Variants in GLG1 observed in about 807,000 individuals in gnomAD.
GLG1 encodes the protein golgi glycoprotein 1, also known as Golgi apparatus protein 1.
A neutral mutation model predicts 160.5 loss-of-function variants in GLG1; 38 were observed. The ratio of observed to expected loss-of-function variants is 0.24; its 90% CI spans 0.18 to 0.31. The LOEUF (loss-of-function observed/expected upper bound fraction) is 0.31, where lower values mean the gene tolerates loss of function less well. Ranked by LOEUF, GLG1 falls within the 10% of genes least tolerant of loss-of-function variation. GLG1 has a pLI of 1.00. For synonymous variants in GLG1, 644 were observed against 543.4 expected, an observed-to-expected ratio of 1.19 and a Z score of -2.57; for missense variants, 1,373 against 1,505.2, an observed-to-expected ratio of 0.91 and a Z score of 1.45.
chr16:74,463,161 G>C (rs1474144587), intron 20 of GLG1, 195 bp downstream of exon 20: 3 of 573,486 alleles, frequency 5.2e-6, no homozygotes, highest in African/African-American at 3.8e-5. Context: ...TGGTTCTTGT[G>C]GCCTCCTCTC....
At chr16:74,604,938 A>G (rs1431864632) in intron 1 of GLG1, among the ~76,000 whole-genome samples, 1 of 152,130 alleles carries the variant, frequency 6.6e-6, no homozygotes, top group Non-Finnish European at 1.5e-5. Context: ...AGTCCCAGGT[A>G]CTCAGGTGGC....
intron 1 of GLG1, among the ~76,000 whole-genome samples, chr16:74,544,219 T>G (rs567481271): frequency 6.6e-6 from 1 of 152,252 alleles, no homozygotes; most frequent in Non-Finnish European, 1.5e-5. Context: ...GGTCTGGCTA[T>G]GCAGCACAAA....
At chr16:74,532,780 G>C (rs996392975) in intron 1 of GLG1, among the ~76,000 whole-genome samples, 3 of 152,078 alleles carry the variant, frequency 2.0e-5, no homozygotes, top group African/African-American at 7.2e-5. Flanking sequence ...ACCCACCTGA[G>C]CTTCCCAAAC....
intron 25 of GLG1, among the ~76,000 whole-genome samples, chr16:74,454,666 CAAAAAAAAAAAA>C (rs58759187): frequency 1.2e-3 from 47 of 38,534 alleles, no homozygotes; most frequent in Middle Eastern, 0.071. Context: ...AATCCGTCCC[CAAAAAAAAAAAA>C]AAAAAAAAAA....
intron 1 of GLG1, among the ~76,000 whole-genome samples, chr16:74,588,541 T>G (rs577075291): frequency 6.6e-6 from 1 of 152,190 alleles, no homozygotes; most frequent in East Asian, 1.9e-4. Context: ...CACCTCAGCC[T>G]CACAAGTAGC....
chr16:74,460,062 C>T lies in GLG1; in HGVS notation c.3037-273G>A, dbSNP rs543701191. On this transcript the variant is annotated intron_variant, in intron 22 of 25. Coordinates refer to ENST00000422840, the MANE Select transcript of GLG1 (RefSeq NM_001145667.2). Reference sequence around the variant, plus strand: ...TTTAGACAGAGTCTTGCTCTTGTTGCCCAGGCTGAAGTACAATGGCACGAT... The same window carrying T: ...TTTAGACAGAGTCTTGCTCTTGTTGTCCAGGCTGAAGTACAATGGCACGAT... Among the ~76,000 whole-genome samples the T allele has an allele frequency of 2.0e-5, 3 of 150,970 alleles. No individual in the cohort carries two copies. In the South Asian group the frequency reaches 6.3e-4, roughly 32 times the overall value.
At chr16:74,529,386 C>A (rs900866309) in intron 2 of GLG1, among the ~76,000 whole-genome samples, 1 of 151,912 alleles carries the variant, frequency 6.6e-6, no homozygotes, top group South Asian at 2.1e-4. Flanking sequence ...AAGACTAATT[C>A]TCGGTTGAAA....
chr16:74,459,821 C>G, intron 22 of GLG1, 32 bp from the exon 23 acceptor site: 1 of 1,074,004 alleles, frequency 9.3e-7, no homozygotes, highest in African/African-American at 1.6e-5. Flanking sequence ...CAAAGCTACC[C>G]CACTGAGCAC....
At chr16:74,507,918 T>C (rs922510496) in intron 3 of GLG1, among the ~76,000 whole-genome samples, 1 of 152,120 alleles carries the variant, frequency 6.6e-6, no homozygotes, top group Non-Finnish European at 1.5e-5. Context: ...GTTTGAGATG[T>C]AGAATATTAA....
chr16:74,464,622 TG>T (rs1388895990), intron 19 of GLG1, among the ~76,000 whole-genome samples: 1 of 152,214 alleles, frequency 6.6e-6, no homozygotes, highest in African/African-American at 2.4e-5. Flanking sequence ...AGACATGGAT[TG>T]TTCACTGACT....
At chr16:74,498,860 G>A (rs1237960974) in intron 4 of GLG1, among the ~76,000 whole-genome samples, 3 of 71,018 alleles carry the variant, frequency 4.2e-5, no homozygotes, top group African/African-American at 1.1e-4. Context: ...AGTGAACTCC[G>A]TCTCAGGCAA....
chr16:74,456,318 C>T (rs1350242389), intron 25 of GLG1, among the ~76,000 whole-genome samples: 1 of 152,212 alleles, frequency 6.6e-6, no homozygotes, highest in Non-Finnish European at 1.5e-5. Flanking sequence ...TCTAAAAGCA[C>T]ACTGACCATG....
chr16:74,475,280 T>C (rs547861286), intron 12 of GLG1, among the ~76,000 whole-genome samples: 3 of 152,222 alleles, frequency 2.0e-5, no homozygotes, highest in South Asian at 2.1e-4. Flanking sequence ...GCCTTGATTC[T>C]ATTTTCAATC....
chr16:74,456,703 G>A lies in GLG1; in HGVS notation c.3318C>T (p.Pro1106=), dbSNP rs759783591. The change falls in exon 25 of 26, where the codon CCC becomes CCT. Residue 1106 remains proline (P), a synonymous_variant. Coordinates refer to ENST00000422840, the MANE Select transcript of GLG1 (RefSeq NM_001145667.2). ...GGTCATTGAGGCGCTTTTTGCACTCGGGCTGTAACCTCACCCGCTTATCCT... is the reference window on the plus strand; with the variant it reads ...GGTCATTGAGGCGCTTTTTGCACTCAGGCTGTAACCTCACCCGCTTATCCT... The part of the protein sequence containing the change: ...ALEDKRVRLQ[P]ECKKRLNDRI... 2.9e-5 allele frequency: 46 copies of A among 1,610,380 alleles called. No homozygotes were observed. In the South Asian group the frequency reaches 4.2e-4, roughly 15 times the overall value.
chr16:74,545,930 T>C (rs1165090776), intron 1 of GLG1, among the ~76,000 whole-genome samples: 2 of 152,246 alleles, frequency 1.3e-5, no homozygotes, highest in Non-Finnish European at 1.5e-5. Flanking sequence ...GCAAGATCAA[T>C]GACTTCAATA....
intron 1 of GLG1, among the ~76,000 whole-genome samples, chr16:74,591,234 C>A (rs138314131): frequency 6.6e-6 from 1 of 151,448 alleles, no homozygotes; most frequent in Non-Finnish European, 1.5e-5. Context: ...AGGAGGCTGA[C>A]GCAGAAGAAT....
chr16:74,505,486 G>A (rs748487932), intron 3 of GLG1, among the ~76,000 whole-genome samples: 8 of 152,168 alleles, frequency 5.3e-5, no homozygotes, highest in South Asian at 2.1e-4. Flanking sequence ...TTGGAAGACC[G>A]AGGGGGGTGG....
intron 13 of GLG1, chr16:74,474,271 G>T (rs947206616): frequency 9.4e-6 from 3 of 317,876 alleles, no homozygotes; most frequent in Non-Finnish European, 1.8e-5. Flanking sequence ...CTATCTTAAG[G>T]GAGAAACAGA....
intron 1 of GLG1, among the ~76,000 whole-genome samples, chr16:74,595,462 A>C (rs990432586): frequency 4.0e-5 from 6 of 148,338 alleles, no homozygotes; most frequent in African/African-American, 1.5e-4. Context: ...GCATGAACCC[A>C]GGAGGCAGAG....
Sources: gnomAD v4.1 joint callset for allele counts (sites outside exome capture counted in the v4.1 genomes callset) on GRCh38, gnomAD v4.1.1 for gene constraint, MANE v1.5 for transcripts, NCBI Gene and HGNC (gene_info 2026-07-23, HGNC 2026-07-21) for gene names.